Variants in NAV2 observed in about 807,000 individuals in gnomAD.
NAV2 encodes helicase, APC down-regulated 1.
A neutral mutation model predicts 223.2 loss-of-function variants in NAV2; 54 were observed. The observed-to-expected ratio is 0.24, with a 90% CI of 0.19 to 0.30. NAV2 has a LOEUF of 0.30. Ranked by LOEUF, NAV2 falls within the 10% of genes least tolerant of loss-of-function variation. The pLI is 1.00. For synonymous variants in NAV2, 1,279 were observed against 1,239.3 expected (o/e 1.03, Z -0.67); for missense variants, 2,806 against 3,147.5 (o/e 0.89, Z 2.60).
chr11:19,860,291 G>C (rs1399089648), intron 3 of NAV2, among the ~76,000 whole-genome samples: 1 of 130,690 alleles, frequency 7.7e-6, no homozygotes, highest in Non-Finnish European at 1.6e-5. Flanking sequence ...GCTGCCGGGC[G>C]GAGGGGCTCC....
intron 31 of NAV2, among the ~76,000 whole-genome samples, chr11:20,100,611 A>C (rs1364508555): frequency 6.6e-6 from 1 of 151,614 alleles, no homozygotes; most frequent in African/African-American, 2.4e-5. Context: ...TAGTAAATCC[A>C]GACAGGCAAA....
chr11:19,748,205 C>T (rs551432836), intron 1 of NAV2, among the ~76,000 whole-genome samples: 193 of 152,290 alleles, frequency 1.3e-3, no homozygotes, highest in Non-Finnish European at 2.2e-3. Flanking sequence ...CTTATAGATG[C>T]CTGCATGTGC....
chr11:19,840,818 A>G (rs1457876815), intron 2 of NAV2, among the ~76,000 whole-genome samples: 1 of 152,120 alleles, frequency 6.6e-6, no homozygotes. Flanking sequence ...CAGAAGACTT[A>G]TTTCTTAGTT....
chr11:20,011,661 A>C (rs117765653), intron 11 of NAV2, among the ~76,000 whole-genome samples: 6,604 of 152,298 alleles, frequency 0.043, 282 homozygotes, highest in Admixed American at 0.074. Flanking sequence ...TATAGTCTTT[A>C]ATTTTAATTA....
intron 1 of NAV2, among the ~76,000 whole-genome samples, chr11:19,584,473 G>T (rs1174693296): frequency 1.3e-5 from 2 of 152,210 alleles, no homozygotes; most frequent in African/African-American, 4.8e-5. Context: ...TTGATGTTAG[G>T]TTGTCAATTT....
chr11:19,366,539 G>A (rs542539956), intron 1 of NAV2, among the ~76,000 whole-genome samples: 1 of 152,184 alleles, frequency 6.6e-6, no homozygotes, highest in African/African-American at 2.4e-5. Context: ...AGATCCCTAG[G>A]ATGGATCTGC....
chr11:20,094,083 T>C lies in NAV2; in HGVS notation c.5916+884T>C, dbSNP rs530921524. Among the ~76,000 whole-genome samples the C allele has an allele frequency of 5.9e-5, 9 of 152,226 alleles. No individual in the cohort carries two copies. The East Asian group carries it at 1.5e-3, about 26-fold the overall frequency. The stretch of plus-strand genomic sequence containing the variant: ...TGCGGCTGGCTTGCTAGCCTCACTA[T>C]AGGGGGTAAGCTCAGCATTTTGGCA... On this transcript the variant is annotated intron_variant, in intron 29 of 37. Transcript: ENST00000349880.
chr11:19,714,945 C>T (rs1349224105), intron 1 of NAV2, among the ~76,000 whole-genome samples: 2 of 152,070 alleles, frequency 1.3e-5, no homozygotes, highest in Admixed American at 1.3e-4. Flanking sequence ...ATGTGACTGT[C>T]CGGTTAGGAG....
intron 8 of NAV2, among the ~76,000 whole-genome samples, chr11:19,942,885 A>G (rs1231973479): frequency 6.6e-6 from 1 of 152,164 alleles, no homozygotes; most frequent in Non-Finnish European, 1.5e-5. Flanking sequence ...TGGGAGGCTG[A>G]GGTGGGAGGA....
At chr11:19,440,124 A>C (rs180988649) in intron 1 of NAV2, among the ~76,000 whole-genome samples, 1 of 152,332 alleles carries the variant, frequency 6.6e-6, no homozygotes, top group East Asian at 1.9e-4. Flanking sequence ...ATAATCTTTC[A>C]GGGCCTACTA....
At chr11:19,977,962 G>T (rs777360895) in intron 10 of NAV2, among the ~76,000 whole-genome samples, 1 of 148,422 alleles carries the variant, frequency 6.7e-6, no homozygotes, top group Non-Finnish European at 1.5e-5. Flanking sequence ...CTGCCACCAC[G>T]CCCAGCTCAT....
At chr11:19,474,424 A>T (rs548993885) in intron 1 of NAV2, among the ~76,000 whole-genome samples, 12 of 152,364 alleles carry the variant, frequency 7.9e-5, no homozygotes, top group African/African-American at 2.9e-4. Context: ...TGTGTACACT[A>T]TGATACAATT....
intron 1 of NAV2, among the ~76,000 whole-genome samples, chr11:19,553,887 G>T (rs1442007062): frequency 6.6e-6 from 1 of 152,236 alleles, no homozygotes; most frequent in East Asian, 1.9e-4. Flanking sequence ...CCCAGAATGG[G>T]TGGCAAACCC....
intron 1 of NAV2, among the ~76,000 whole-genome samples, chr11:19,786,691 C>T (rs1246502037): frequency 6.6e-6 from 1 of 152,110 alleles, no homozygotes; most frequent in Non-Finnish European, 1.5e-5. Flanking sequence ...TTTGGGGAAT[C>T]CAAGTGGGAA....
chr11:19,556,857 G>C (rs116263505), intron 1 of NAV2, among the ~76,000 whole-genome samples: 1 of 152,138 alleles, frequency 6.6e-6, no homozygotes, highest in African/African-American at 2.4e-5. Flanking sequence ...TGACCATGCT[G>C]TATTTTGGTT....
At chr11:19,747,277 T>G (rs904815798) in intron 1 of NAV2, among the ~76,000 whole-genome samples, 21 of 152,238 alleles carry the variant, frequency 1.4e-4, no homozygotes, top group Admixed American at 7.2e-4. Context: ...CCACATTTTC[T>G]TAATCCAGTC....
intron 1 of NAV2, among the ~76,000 whole-genome samples, chr11:19,389,805 T>C (rs1849178928): frequency 6.6e-6 from 1 of 152,198 alleles, no homozygotes; most frequent in Non-Finnish European, 1.5e-5. Context: ...CCTCTTGAAC[T>C]TCCCTGAAAT....
Position 20,120,496 on chromosome 11 carries a change from C to T in NAV2, c.*2238C>T, listed in dbSNP as rs984173713. On this transcript the variant is annotated 3_prime_UTR_variant, in exon 38 of 38. Transcript: ENST00000349880. ...CTCCCAGCAATGACCCTACTACACT[C>T]GCGTACTGTGAATTTGGGAGGAGGT... 3.9e-5 allele frequency: 6 copies of T among 152,748 alleles called. No homozygotes were observed. Among genetic ancestry groups the T allele is most frequent in the African/African-American group, 9.6e-5 (4 of 41,570 alleles). 9.5% of individuals were successfully genotyped at this position (152,748 alleles called of 1,614,324 possible). A position where few individuals can be genotyped will look rare whatever the true frequency, so the allele number is the denominator to read the frequency against.
intron 11 of NAV2, among the ~76,000 whole-genome samples, chr11:19,988,142 T>A (rs763272583): frequency 2.6e-5 from 4 of 152,208 alleles, no homozygotes; most frequent in Non-Finnish European, 5.9e-5. Context: ...TAAATCTCTT[T>A]CTTGGTGACT....
Sources: allele counts gnomAD v4.1 joint callset (sites outside exome capture counted in the v4.1 genomes callset), GRCh38; gene constraint gnomAD v4.1.1; transcripts MANE v1.5; gene names NCBI Gene and HGNC (gene_info 2026-07-23, HGNC 2026-07-21).